Variants in DYNLRB1 observed in about 807,000 individuals in gnomAD.
The protein encoded by DYNLRB1 is dynein light chain roadblock-type 1.
DYNLRB1 carries 6 observed loss-of-function variants against 13.5 expected under a neutral mutation model. That is an observed-to-expected ratio of 0.44 (90% CI 0.24 to 0.88). DYNLRB1 has a LOEUF of 0.88. Among genes scored for constraint, DYNLRB1 ranks in the 40% least tolerant of loss-of-function variants. DYNLRB1 has a pLI of 0.21. For synonymous variants in DYNLRB1, 43 were observed against 45.0 expected (o/e 0.96, Z 0.18); for missense variants, 93 against 127.2 (o/e 0.73, Z 1.29).
intron 1 of DYNLRB1, chr20:34,516,969 G>A: frequency 2.3e-6 from 3 of 1,318,808 alleles, no homozygotes; most frequent in Non-Finnish European, 2.9e-6. Context: ...TAGTGGAGAT[G>A]GATTTGAACC....
At chr20:34,536,851 G>A (rs779258102) in intron 3 of DYNLRB1, among the ~76,000 whole-genome samples, 1 of 152,102 alleles carries the variant, frequency 6.6e-6, no homozygotes, top group Non-Finnish European at 1.5e-5. Flanking sequence ...CAGGGTATGG[G>A]GGAAGGGAGC....
intron 2 of DYNLRB1, chr20:34,533,696 G>A (rs1355659686): frequency 5.8e-6 from 1 of 172,326 alleles, no homozygotes; most frequent in Non-Finnish European, 1.2e-5. Context: ...GTGCGCGTCT[G>A]TAGTTCCAGC....
intron 3 of DYNLRB1, among the ~76,000 whole-genome samples, chr20:34,537,330 C>T (rs550453038): frequency 6.6e-6 from 1 of 152,312 alleles, no homozygotes; most frequent in Non-Finnish European, 1.5e-5. Context: ...TTCCTCGTCA[C>T]CAAATGCTTA....
intron 2 of DYNLRB1, among the ~76,000 whole-genome samples, chr20:34,527,563 C>T (rs568135612): frequency 2.0e-4 from 31 of 152,322 alleles, no homozygotes; most frequent in African/African-American, 6.5e-4. Context: ...GTTTCCCACA[C>T]GTATTCATTC....
chr20:34,520,065 G>A (rs998562424), intron 1 of DYNLRB1, among the ~76,000 whole-genome samples: 2 of 152,098 alleles, frequency 1.3e-5, no homozygotes, highest in Non-Finnish European at 2.9e-5. Context: ...GGAGGCGGGG[G>A]TTGCAGTGAT....
chr20:34,517,273 G>A (rs1387228531), intron 1 of DYNLRB1, among the ~76,000 whole-genome samples: 4 of 152,088 alleles, frequency 2.6e-5, no homozygotes, highest in Non-Finnish European at 2.9e-5. Flanking sequence ...AAAAGAAACC[G>A]TGTCATCACC....
At chr20:34,522,942 C>T (rs1979873953) in intron 1 of DYNLRB1, among the ~76,000 whole-genome samples, 1 of 152,134 alleles carries the variant, frequency 6.6e-6, no homozygotes, top group Admixed American at 6.5e-5. Flanking sequence ...TTTATTTGTT[C>T]CTTCAGTATT....
At chr20:34,535,341 A>G in intron 3 of DYNLRB1, 1 of 985,446 alleles carries the variant, frequency 1.0e-6, no homozygotes, top group Non-Finnish European at 1.2e-6. Flanking sequence ...CCTTACAGCC[A>G]GCTTTTCCTG....
intron 3 of DYNLRB1, among the ~76,000 whole-genome samples, chr20:34,538,893 C>A (rs757408221): frequency 1.8e-4 from 28 of 152,320 alleles, no homozygotes; most frequent in Non-Finnish European, 3.1e-4. Flanking sequence ...TCCCTGTCCC[C>A]ACTCCACCTG....
intron 3 of DYNLRB1, chr20:34,536,465 G>T (rs942019730): frequency 1.0e-6 from 1 of 985,318 alleles, no homozygotes; most frequent in African/African-American, 1.7e-5. Context: ...GTCGGGCCGG[G>T]ATGGAGCGCA....
At chr20:34,516,261 G>A, upstream of DYNLRB1, 1 of 843,980 alleles carries the variant, frequency 1.2e-6, no homozygotes, top group South Asian at 2.0e-5. Flanking sequence ...CTGCTCCTTA[G>A]CTTTTCGCTT....
At chr20:34,538,850 C>T (rs1981374512) in intron 3 of DYNLRB1, among the ~76,000 whole-genome samples, 1 of 152,162 alleles carries the variant, frequency 6.6e-6, no homozygotes, top group Non-Finnish European at 1.5e-5. Flanking sequence ...GGCAGCAGAC[C>T]AGGGCAGTTC....
At chr20:34,526,645 C>A in intron 2 of DYNLRB1, 1 of 383,506 alleles carries the variant, frequency 2.6e-6, no homozygotes, top group Non-Finnish European at 4.8e-6. Context: ...CCGCTCAATC[C>A]CACCACCCTG....
Position 34,533,627 on chromosome 20 carries a change from T to C in DYNLRB1, c.80-1001T>C, listed in dbSNP as rs1980885357. 4 of 455,646 alleles carry C rather than the reference T, an allele frequency of 8.8e-6. No homozygotes were observed. The Admixed American group carries it at 1.9e-4, about 22-fold the overall frequency. The allele number at this position is 455,646 out of a possible 1,614,324, so 28.2% of individuals were successfully genotyped here. On this transcript the variant is annotated intron_variant, in intron 2 of 3. Coordinates refer to ENST00000357156, the MANE Select transcript of DYNLRB1 (RefSeq NM_014183.4). ...TGAGGTCAGGAGTTCAAGACTAGCCTGGCCAGTATGGTGAAACCCCGTCTC... is the reference window on the plus strand; with the variant it reads ...TGAGGTCAGGAGTTCAAGACTAGCCCGGCCAGTATGGTGAAACCCCGTCTC...
At chr20:34,537,913 C>G (rs2146654463) in intron 3 of DYNLRB1, among the ~76,000 whole-genome samples, 1 of 152,090 alleles carries the variant, frequency 6.6e-6, no homozygotes, top group East Asian at 1.9e-4. Context: ...AGCAGGTGTT[C>G]CAGACAGTGT....
At chr20:34,523,553 G>T (rs1332764844) in intron 1 of DYNLRB1, among the ~76,000 whole-genome samples, 1 of 151,974 alleles carries the variant, frequency 6.6e-6, no homozygotes, top group African/African-American at 2.4e-5. Flanking sequence ...CTTGCTCTTG[G>T]TGCTGTCTGG....
At chr20:34,520,691 C>A (rs1393776664) in intron 1 of DYNLRB1, among the ~76,000 whole-genome samples, 2 of 151,818 alleles carry the variant, frequency 1.3e-5, no homozygotes, top group African/African-American at 4.8e-5. Context: ...TCAGGTGATC[C>A]GCCTGCCTCA....
chr20:34,535,425 C>T (rs1040295168), intron 3 of DYNLRB1: 10 of 917,442 alleles, frequency 1.1e-5, no homozygotes, highest in African/African-American at 1.8e-5. Context: ...TGTGGTGCAA[C>T]CAAGGCCTGT....
intron 3 of DYNLRB1, among the ~76,000 whole-genome samples, chr20:34,536,955 A>G (rs540124207): frequency 2.2e-4 from 34 of 152,278 alleles, no homozygotes; most frequent in African/African-American, 7.0e-4. Context: ...GGACAGTGTC[A>G]TCTGAAAGCT....
Sources: gnomAD v4.1 joint callset for allele counts (sites outside exome capture counted in the v4.1 genomes callset) on GRCh38, gnomAD v4.1.1 for gene constraint, MANE v1.5 for transcripts, NCBI Gene and HGNC (gene_info 2026-07-23, HGNC 2026-07-21) for gene names.